Variants in CNTN2 observed in about 807,000 individuals in gnomAD.
CNTN2 encodes contactin-2.
CNTN2 carries 53 observed loss-of-function variants against 117.5 expected under a neutral mutation model. That is an observed-to-expected ratio of 0.45 (90% CI 0.36 to 0.57). CNTN2 has a LOEUF of 0.57. Ranked by LOEUF, CNTN2 falls within the 20% of genes least tolerant of loss-of-function variation. The pLI is 0.00. For synonymous variants in CNTN2, 530 were observed against 561.7 expected (o/e 0.94, Z 0.80); for missense variants, 1,106 against 1,404.3 (o/e 0.79, Z 3.39).
Position 205,059,546 on chromosome 1 carries a change from T to C in CNTN2, c.698-37T>C. On this transcript the variant is annotated intron_variant, in intron 6 of 22. Transcript: ENST00000331830. This position sits in a 1 kb window ranked among gnomAD's most constrained non-coding sequence, Gnocchi z 5.6. ...ATGCACGGGAGCACCTGACCTGGAG[T>C]CATCTGCATCTGATTTGTAAAACCC... 6.3e-7 allele frequency: 1 copy of C among 1,587,790 alleles called. No homozygotes were observed. Among genetic ancestry groups the C allele is most frequent in the Non-Finnish European group, 8.6e-7 (1 of 1,156,504 alleles).
At chr1:205,057,812 A>G in intron 2 of CNTN2, 109 bp from the exon 3 acceptor site, 2 of 1,357,578 alleles carry the variant, frequency 1.5e-6, no homozygotes, top group South Asian at 2.8e-5. Context: ...AGTGCAGAAA[A>G]TGGGACATTC....
At position 205,061,611 on chromosome 1, in the gene CNTN2, CA is replaced by C. The variant is rs1370289620; in HGVS notation, c.973+192del. 11 of 788,370 alleles carry C rather than the reference CA, an allele frequency of 1.4e-5. No individual in the cohort carries two copies. In the East Asian group the frequency reaches 3.1e-4, roughly 22 times the overall value. The allele number at this position is 788,370 out of a possible 1,614,324, so 48.8% of individuals were successfully genotyped here. The stretch of plus-strand genomic sequence containing the variant: ...GCTGTGGTCACCTCAGAGCTTCAGT[CA>C]GGGGTGCAGAAAGCACACAGGAGGC... On this transcript the variant is annotated intron_variant, in intron 8 of 22. Coordinates refer to ENST00000331830, the MANE Select transcript of CNTN2 (RefSeq NM_005076.5). This position sits in a 1 kb window ranked among gnomAD's most constrained non-coding sequence, Gnocchi z 4.8.
chr1:205,069,074 C>T, intron 16 of CNTN2: 1 of 160,366 alleles, frequency 6.2e-6, no homozygotes, highest in Non-Finnish European at 1.4e-5. Flanking sequence ...GTTATTTATT[C>T]CCCTTATTTT....
chr1:205,045,001 G>A (rs1237548824), intron 1 of CNTN2, among the ~76,000 whole-genome samples: 2 of 152,174 alleles, frequency 1.3e-5, no homozygotes, highest in Non-Finnish European at 2.9e-5. Context: ...AGTCCTCAGC[G>A]AATAAGAGGG....
At chr1:205,067,303 C>T (rs948532059) in intron 16 of CNTN2, 53 bp downstream of exon 16, 81 of 1,574,496 alleles carry the variant, frequency 5.1e-5, no homozygotes, top group Non-Finnish European at 8.6e-6. Context: ...GACCCTGGCA[C>T]CACTTATAGG....
In CNTN2 at chr1:205,048,075, A is replaced by G. The variant is rs76234711; in HGVS notation, c.-87+4681A>G. Among the ~76,000 whole-genome samples, 4,590 of 152,268 alleles carry G rather than the reference A, an allele frequency of 0.03. 101 individuals carry two copies. The highest frequency in any genetic ancestry group is 0.06 in the East Asian group (311 of 5,184). The stretch of plus-strand genomic sequence containing the variant: ...CAAGCGGGGGCCTGAAGGGCTCCTC[A>G]AGTACTTTGTAGGCTGATAATAAAT... On this transcript the variant is annotated intron_variant, in intron 1 of 22. Transcript: ENST00000331830. The surrounding 1 kb of genome is among the most constrained non-coding windows in gnomAD (Gnocchi z 4.1).
chr1:205,046,878 C>T (rs923596205), intron 1 of CNTN2, among the ~76,000 whole-genome samples: 20 of 152,152 alleles, frequency 1.3e-4, no homozygotes, highest in African/African-American at 4.8e-4. Flanking sequence ...TCCTGAGCTT[C>T]CCAGGAGGAT....
At chr1:205,054,895 G>A (rs1313090617) in intron 2 of CNTN2, among the ~76,000 whole-genome samples, 1 of 152,154 alleles carries the variant, frequency 6.6e-6, no homozygotes, top group African/African-American at 2.4e-5. Context: ...GCCTGTGTTT[G>A]GGGGAAAAGT....
Position 205,059,266 on chromosome 1 carries a change from T to C in CNTN2, c.670T>C (p.Phe224Leu), listed in dbSNP as rs751299789. The change falls in exon 6 of 23, where the codon TTT (phenylalanine) becomes CTT (leucine). Residue 224 changes from phenylalanine to leucine, a missense_variant. Transcript: ENST00000331830. The surrounding 1 kb of genome is among the most constrained non-coding windows in gnomAD (Gnocchi z 5.6). ...CTCCACCAAGAGCGTCTTCAGCAAGTTTGCTCAGCTCAACCTGGCTGCTGA... is the reference window on the plus strand; with the variant it reads ...CTCCACCAAGAGCGTCTTCAGCAAGCTTGCTCAGCTCAACCTGGCTGCTGA... ...DFSTKSVFSK[F>L]AQLNLAAEDT... The C allele has an allele frequency of 6.2e-7, 1 of 1,613,766 alleles. No homozygotes were observed. The highest frequency in any genetic ancestry group is 8.5e-7 in the Non-Finnish European group (1 of 1,179,896).
Position 205,073,527 on chromosome 1 carries a change from C to A in CNTN2, c.3014-129C>A. On this transcript the variant is annotated intron_variant, in intron 22 of 22. Coordinates refer to ENST00000331830, the MANE Select transcript of CNTN2 (RefSeq NM_005076.5). The surrounding 1 kb of genome is among the most constrained non-coding windows in gnomAD (Gnocchi z 6.3). ...CACCGTAGGAGTCGGACTGAGAAGACCACCCAGCCGTCCGCTCCCAGGCCT... is the reference window on the plus strand; with the variant it reads ...CACCGTAGGAGTCGGACTGAGAAGAACACCCAGCCGTCCGCTCCCAGGCCT... 1.2e-6 allele frequency: 1 copy of A among 856,128 alleles called. No homozygotes were observed. Among genetic ancestry groups the A allele is most frequent in the Non-Finnish European group, 1.8e-6 (1 of 543,490 alleles). 53.0% of individuals were successfully genotyped at this position (856,128 alleles called of 1,614,324 possible).
In CNTN2 at chr1:205,073,290, T is replaced by A; in HGVS notation, c.3013+54T>A. 6.3e-7 allele frequency: 1 copy of A among 1,584,502 alleles called. No individual in the cohort carries two copies. Among genetic ancestry groups the A allele is most frequent in the South Asian group, 1.1e-5 (1 of 88,340 alleles). On this transcript the variant is annotated intron_variant, in intron 22 of 22. Transcript: ENST00000331830. The surrounding 1 kb of genome is among the most constrained non-coding windows in gnomAD (Gnocchi z 6.3). ...TCGAGAGATTCAGGATCCACCCAGA[T>A]ACCTGAGAGGATCATTCCCACCCAG...
chr1:205,072,616 G>GC, intron 21 of CNTN2, 21 bp downstream of exon 21: 1 of 1,559,026 alleles, frequency 6.4e-7, no homozygotes, highest in Non-Finnish European at 8.8e-7. Context: ...AATCAGCTAG[G>GC]CCCAGAATGG....
In CNTN2 at chr1:205,073,563, CTG is replaced by C; in HGVS notation, c.3014-90_3014-89del. ...TCCGCTCCCAGGCCTGCAGCTGGCC[CTG>C]TGAGTCTCCTTAGGAAAGGTCTCAA... On this transcript the variant is annotated intron_variant, in intron 22 of 22. Coordinates refer to ENST00000331830, the MANE Select transcript of CNTN2 (RefSeq NM_005076.5). This position sits in a 1 kb window ranked among gnomAD's most constrained non-coding sequence, Gnocchi z 6.3. 1.0e-5 allele frequency: 12 copies of C among 1,153,886 alleles called. No individual in the cohort carries two copies. The South Asian group carries it at 1.1e-4, about 10-fold the overall frequency. 71.5% of individuals were successfully genotyped at this position (1,153,886 alleles called of 1,614,324 possible). A position where few individuals can be genotyped will look rare whatever the true frequency, so the allele number is the denominator to read the frequency against.
chr1:205,058,238 G>A lies in CNTN2; in HGVS notation c.273G>A (p.Val91=), dbSNP rs780284181. ...KLEPGSRHQL[V]GGNLVIMNPT... The stretch of plus-strand genomic sequence containing the variant: ...AGCCAGGTTCCCGTCACCAGCTGGT[G>A]GGGGGCAACCTGGTCATCATGAACC... Residue 91 remains valine, a synonymous_variant, in exon 4 of 23, where the codon GTG becomes GTA. Transcript: ENST00000331830. This position sits in a 1 kb window ranked among gnomAD's most constrained non-coding sequence, Gnocchi z 4.3. 9 of 1,563,792 alleles carry A rather than the reference G, an allele frequency of 5.8e-6. No individual in the cohort carries two copies. Among genetic ancestry groups the A allele is most frequent in the Non-Finnish European group, 7.8e-6 (9 of 1,155,702 alleles).
In CNTN2 at chr1:205,077,622, G is replaced by A. The variant is rs1409479322; in HGVS notation, c.*3857G>A. The A allele has an allele frequency of 6.6e-6, 1 of 152,222 alleles. No homozygotes were observed. Among genetic ancestry groups the A allele is most frequent in the Non-Finnish European group, 1.5e-5 (1 of 68,064 alleles). The allele number at this position is 152,222 out of a possible 1,614,324, so 9.4% of individuals were successfully genotyped here. On this transcript the variant is annotated 3_prime_UTR_variant, in exon 23 of 23. Transcript: ENST00000331830. ...CACCTGGTAGCTGCGGAACACCCGT[G>A]GACTTGTGTATATGGTCATAGGCTT... is the stretch of plus-strand genomic sequence containing the variant.
At position 205,058,079 on chromosome 1, in the gene CNTN2, A is replaced by G; in HGVS notation, c.215+14A>G. ...AGCCACCTATCGGTAAGGCCTCTGC[A>G]GTGGGTGCTGGGAGGCCCTGGGCAG... On this transcript the variant is annotated intron_variant, in intron 3 of 22. Coordinates refer to ENST00000331830, the MANE Select transcript of CNTN2 (RefSeq NM_005076.5). This position sits in a 1 kb window ranked among gnomAD's most constrained non-coding sequence, Gnocchi z 4.3. 6.2e-7 allele frequency: 1 copy of G among 1,612,338 alleles called. No homozygotes were observed. Among genetic ancestry groups the G allele is most frequent in the South Asian group, 1.1e-5 (1 of 90,874 alleles).
chr1:205,073,441 A>C lies in CNTN2; in HGVS notation c.3013+205A>C. 1 of 767,826 alleles carries C rather than the reference A, an allele frequency of 1.3e-6. No individual in the cohort carries two copies. Among genetic ancestry groups the C allele is most frequent in the Non-Finnish European group, 2.1e-6 (1 of 485,998 alleles). The allele number at this position is 767,826 out of a possible 1,614,324, so 47.6% of individuals were successfully genotyped here. A position where few individuals can be genotyped will look rare whatever the true frequency, so the allele number is the denominator to read the frequency against. ...CCCAGAACATCCCCGAGGGCCAGGGAAGGGCGCAGGGTGCAGGGGGAGGCT... is the reference window on the plus strand; with the variant it reads ...CCCAGAACATCCCCGAGGGCCAGGGCAGGGCGCAGGGTGCAGGGGGAGGCT... On this transcript the variant is annotated intron_variant, in intron 22 of 22. Transcript: ENST00000331830. The surrounding 1 kb of genome is among the most constrained non-coding windows in gnomAD (Gnocchi z 6.3).
Position 205,065,287 on chromosome 1 carries a change from T to C in CNTN2, c.1695+25T>C. ...GGTGAGACCTAGGGCCAGAGCCCCATGGCTTCTCCCTCCTTCTAGAGAGAC... is the reference window on the plus strand; with the variant it reads ...GGTGAGACCTAGGGCCAGAGCCCCACGGCTTCTCCCTCCTTCTAGAGAGAC... On this transcript the variant is annotated intron_variant, in intron 13 of 22. Transcript: ENST00000331830. The surrounding 1 kb of genome is among the most constrained non-coding windows in gnomAD (Gnocchi z 4.1). 6.2e-7 allele frequency: 1 copy of C among 1,612,974 alleles called. No individual in the cohort carries two copies. Among genetic ancestry groups the C allele is most frequent in the Non-Finnish European group, 8.5e-7 (1 of 1,179,244 alleles).
At position 205,069,500 on chromosome 1, in the gene CNTN2, T is replaced by C. The variant is rs1352151754; in HGVS notation, c.2135T>C (p.Val712Ala). ...KIRTREAAPS[V>A]APSGLSGGGG... ...CCTTGGCCCTTGACAGCCCCCTCGGTGGCACCCTCAGGACTCAGCGGAGGA... is the reference window on the plus strand; with the variant it reads ...CCTTGGCCCTTGACAGCCCCCTCGGCGGCACCCTCAGGACTCAGCGGAGGA... Residue 712 changes from valine to alanine, a missense_variant, in exon 17 of 23, where the codon GTG (valine) becomes GCG (alanine). By Grantham distance (64) the Val-to-Ala change is moderately conservative. Coordinates refer to ENST00000331830, the MANE Select transcript of CNTN2 (RefSeq NM_005076.5). 1 of 1,614,046 alleles carries C rather than the reference T, an allele frequency of 6.2e-7. No individual in the cohort carries two copies.
Sources: gnomAD v4.1 joint callset for allele counts (sites outside exome capture counted in the v4.1 genomes callset) on GRCh38, gnomAD v4.1.1 for gene constraint, Gnocchi (gnomAD v3.1) non-coding constraint, MANE v1.5 for transcripts, NCBI Gene and HGNC (gene_info 2026-07-23, HGNC 2026-07-21) for gene names.